The following DNM1L variants were observed in gnomAD, a reference collection of about 807,000 sequenced individuals.
DNM1L encodes the protein dynamin 1L, also known as dynamin-1-like protein.
DNM1L carries 33 observed loss-of-function variants against 92.8 expected under a neutral mutation model. The observed-to-expected ratio is 0.36, with a 90% CI of 0.27 to 0.48. The LOEUF (loss-of-function observed/expected upper bound fraction) is 0.48. DNM1L is among the 20% of genes least tolerant of loss of function. The pLI is 0.99. For missense variants in DNM1L, 485 were observed against 888.8 expected, an observed-to-expected ratio of 0.55 and a Z score of 5.78; for synonymous variants, 284 against 305.0, an observed-to-expected ratio of 0.93 and a Z score of 0.72.
At chr12:32,694,979 C>T (rs544530474) in intron 1 of DNM1L, among the ~76,000 whole-genome samples, 1 of 152,204 alleles carries the variant, frequency 6.6e-6, no homozygotes, top group African/African-American at 2.4e-5. Flanking sequence ...GGGACTAGCG[C>T]TCCTTCATGA....
At chr12:32,724,030 A>G (rs150462314) in intron 9 of DNM1L, among the ~76,000 whole-genome samples, 1,552 of 152,294 alleles carry the variant, frequency 0.01, 33 homozygotes, top group African/African-American at 0.034. Flanking sequence ...TCTAATGACA[A>G]TCCAATAGTC....
At chr12:32,720,612 A>G in intron 7 of DNM1L, 52 bp from the exon 8 acceptor site, 1 of 1,611,430 alleles carries the variant, frequency 6.2e-7, no homozygotes, top group Non-Finnish European at 8.5e-7. Flanking sequence ...CATCTAAGGT[A>G]GGAAGAGGAC....
intron 9 of DNM1L, chr12:32,725,237 A>G (rs1954056961): frequency 6.6e-6 from 1 of 152,312 alleles, no homozygotes; most frequent in South Asian, 2.1e-4. Context: ...ACATCTTGTA[A>G]GAACTAAAAT....
chr12:32,724,592 AAATAT>A (rs1392094444), intron 9 of DNM1L, among the ~76,000 whole-genome samples: 813 of 38,614 alleles, frequency 0.021, 5 homozygotes, highest in Middle Eastern at 0.059. Context: ...AAAAAAAAAA[AAATAT>A]ATATATATAT....
At chr12:32,679,560 C>T (rs961875049) in intron 1 of DNM1L, 95 bp downstream of exon 1, 1 of 1,480,364 alleles carries the variant, frequency 6.8e-7, no homozygotes, top group Non-Finnish European at 9.2e-7. Context: ...GCGCCCACTC[C>T]CGCGCCAGCC....
intron 19 of DNM1L, 114 bp downstream of exon 19, chr12:32,742,862 G>A (rs1955403140): frequency 1.6e-6 from 1 of 606,212 alleles, no homozygotes; most frequent in Non-Finnish European, 2.7e-6. Context: ...AGCTAGGCTT[G>A]TTTCCTGTTG....
chr12:32,700,139 GAGA>G (rs144850781), intron 1 of DNM1L, among the ~76,000 whole-genome samples: 21,412 of 151,674 alleles, frequency 0.14, 1,537 homozygotes, highest in Middle Eastern at 0.19. Flanking sequence ...TCTTTTTTTT[GAGA>G]AGGAGTCTTG....
intron 2 of DNM1L, among the ~76,000 whole-genome samples, chr12:32,706,303 A>G (rs115600545): frequency 2.5e-4 from 38 of 152,156 alleles, no homozygotes; most frequent in African/African-American, 9.2e-4. Context: ...GGACCGACTC[A>G]CTCTTCTGTT....
At chr12:32,743,276 GA>G in intron 19 of DNM1L, 77 bp from the exon 20 acceptor site, 6 of 1,323,062 alleles carry the variant, frequency 4.5e-6, no homozygotes, top group Non-Finnish European at 6.4e-6. Flanking sequence ...ATATATATTG[GA>G]AAAATTACCC....
At chr12:32,711,182 T>C in intron 5 of DNM1L, 167 bp downstream of exon 5, 1 of 638,098 alleles carries the variant, frequency 1.6e-6, no homozygotes. Context: ...GCTTCCAGGA[T>C]ACCACACTCT....
chr12:32,684,941 ATT>A (rs113634833), intron 1 of DNM1L, among the ~76,000 whole-genome samples: 8 of 137,492 alleles, frequency 5.8e-5, no homozygotes, highest in African/African-American at 5.4e-5. Context: ...GTGAATGTGT[ATT>A]TTTTTTTTTT....
In DNM1L at chr12:32,713,263, C is replaced by A. The variant is rs759430253; in HGVS notation, c.511C>A (p.Leu171Ile). Reference protein sequence around the residue: ...DIELQIRELILRFISNPNSII... With the variant: ...DIELQIRELIIRFISNPNSII... Reference sequence around the variant, plus strand: ...TGAGCTTCAAATCAGAGAGCTCATTCTTCGGTTCATCAGTAATCCTAATTC... The same window carrying A: ...TGAGCTTCAAATCAGAGAGCTCATTATTCGGTTCATCAGTAATCCTAATTC... Residue 171 changes from leucine (L) to isoleucine (I), a missense_variant, in exon 6 of 20, where the codon CTT becomes ATT. By Grantham distance (5) the Leu-to-Ile change is conservative. Coordinates refer to ENST00000549701, the MANE Select transcript of DNM1L (RefSeq NM_012062.5). The A allele has an allele frequency of 5.0e-6, 8 of 1,613,902 alleles. No individual in the cohort carries two copies. In the East Asian group the frequency reaches 1.3e-4, roughly 27 times the overall value.
In DNM1L at chr12:32,705,506, C is replaced by G. The variant is rs369026839; in HGVS notation, c.251-1861C>G. ...TTGAGATAACTACCTTCAGACAAGC[C>G]AGATATAACTAATTATATTGGAAAG... On this transcript the variant is annotated intron_variant, in intron 2 of 19. Coordinates refer to ENST00000549701, the MANE Select transcript of DNM1L (RefSeq NM_012062.5). 4.5e-3 allele frequency: 1,072 copies of G among 239,534 alleles called. 8 individuals are homozygous for G. The highest frequency in any genetic ancestry group is 0.03 in the South Asian group (238 of 7,812). The allele number at this position is 239,534 out of a possible 1,614,324, so 14.8% of individuals were successfully genotyped here.
intron 13 of DNM1L, among the ~76,000 whole-genome samples, chr12:32,734,877 A>C (rs1371714380): frequency 6.6e-6 from 1 of 152,206 alleles, no homozygotes; most frequent in Non-Finnish European, 1.5e-5. Flanking sequence ...TTTGCAGGGC[A>C]CTATTATAGG....
At position 32,742,741 on chromosome 12, in the gene DNM1L, T is replaced by C. The variant is rs752217265; in HGVS notation, c.2147T>C (p.Met716Thr). The C allele has an allele frequency of 1.9e-6, 3 of 1,614,102 alleles. No individual in the cohort carries two copies. Among genetic ancestry groups the C allele is most frequent in the South Asian group, 2.2e-5 (2 of 91,082 alleles). ...CAGCGCAGGAAAGAAGCAGCTGATA[T>C]GCTAAAGGTATTGTGGACCTTTTGA... ...MAQRRKEAAD[M>T]LKALQGASQI... Residue 716 changes from methionine (M) to threonine (T), a missense_variant, in exon 19 of 20, where the codon ATG becomes ACG. Coordinates refer to ENST00000549701, the MANE Select transcript of DNM1L (RefSeq NM_012062.5).
chr12:32,693,967 A>G (rs1241352881), intron 1 of DNM1L, among the ~76,000 whole-genome samples: 3 of 151,970 alleles, frequency 2.0e-5, no homozygotes, highest in Non-Finnish European at 4.4e-5. Flanking sequence ...TAATTTTAGA[A>G]TATACCATCA....
chr12:32,735,907 G>A (rs534952796), intron 13 of DNM1L, among the ~76,000 whole-genome samples: 4 of 151,912 alleles, frequency 2.6e-5, no homozygotes, highest in African/African-American at 9.7e-5. Flanking sequence ...TCATTGTGAG[G>A]CTTTAACTTA....
Position 32,731,102 on chromosome 12 carries a change from A to G in DNM1L, c.1168A>G (p.Ile390Val). 6.2e-7 allele frequency: 1 copy of G among 1,614,036 alleles called. No homozygotes were observed. The highest frequency in any genetic ancestry group is 8.5e-7 in the Non-Finnish European group (1 of 1,180,000). The change falls in exon 10 of 20, where the codon ATT (isoleucine) becomes GTT (valine). Residue 390 changes from isoleucine to valine, a missense_variant. Coordinates refer to ENST00000549701, the MANE Select transcript of DNM1L (RefSeq NM_012062.5). This position sits in a 1 kb window ranked among gnomAD's most constrained non-coding sequence, Gnocchi z 5.1. ...TGATCCACTTGGTGGCCTTAACACT[A>G]TTGACATTTTGACTGCCATTAGAAA... is the stretch of plus-strand genomic sequence containing the variant. ...SVDPLGGLNTIDILTAIRNAT... is the reference protein window; with the variant it reads ...SVDPLGGLNTVDILTAIRNAT...
intron 13 of DNM1L, among the ~76,000 whole-genome samples, chr12:32,736,067 CTT>C (rs773591822): frequency 4.2e-4 from 48 of 113,014 alleles, no homozygotes; most frequent in Admixed American, 1.1e-3. Context: ...TCTTCATAAT[CTT>C]TTTTTTTTTT....
Sources: allele counts gnomAD v4.1 joint callset (sites outside exome capture counted in the v4.1 genomes callset), GRCh38; gene constraint gnomAD v4.1.1; non-coding constraint Gnocchi (gnomAD v3.1); transcripts MANE v1.5; gene names NCBI Gene and HGNC (gene_info 2026-07-23, HGNC 2026-07-21).